Variants in VPS53 observed in about 807,000 individuals in gnomAD.
The protein encoded by VPS53 is vacuolar protein sorting-associated protein 53 homolog.
In VPS53, 70 loss-of-function variants were observed where a neutral mutation model predicts 107.0. The observed-to-expected ratio is 0.65, with a 90% CI of 0.54 to 0.80. The LOEUF (loss-of-function observed/expected upper bound fraction) is 0.80, where lower values mean the gene tolerates loss of function less well. Among genes scored for constraint, VPS53 ranks in the 30% least tolerant of loss-of-function variants. VPS53 has a pLI of 0.00. For synonymous variants in VPS53, 409 were observed against 393.3 expected (o/e 1.04, Z -0.47); for missense variants, 917 against 1,049.4 (o/e 0.87, Z 1.74).
chr17:623,912 T>C lies in VPS53; in HGVS notation c.975-238A>G, dbSNP rs145478325. Among the ~76,000 whole-genome samples, 2,546 of 151,988 alleles carry C rather than the reference T, an allele frequency of 0.017. 41 individuals are homozygous for C. The highest frequency in any genetic ancestry group is 0.024 in the Middle Eastern group (7 of 294). ...AATCAGGGGTCATGGATGATATATA[T>C]ATACTTATATTTATTTGTTTGTTTA... On this transcript the variant is annotated intron_variant, in intron 10 of 21. Coordinates refer to ENST00000437048, the MANE Select transcript of VPS53 (RefSeq NM_001128159.3).
chr17:652,477 G>T lies in VPS53; in HGVS notation c.608+814C>A, dbSNP rs948747252. ...GATGCTATGAAATTTCCAAGGCTTG[G>T]TTCTCTTGGGACGCTCATTCTTGGA... On this transcript the variant is annotated intron_variant, in intron 7 of 21. Coordinates refer to ENST00000437048, the MANE Select transcript of VPS53 (RefSeq NM_001128159.3). Among the ~76,000 whole-genome samples, 4 of 152,270 alleles carry T rather than the reference G, an allele frequency of 2.6e-5. No individual in the cohort carries two copies. The East Asian group carries it at 7.7e-4, about 29-fold the overall frequency.
chr17:655,473 C>T (rs150729598), intron 6 of VPS53, among the ~76,000 whole-genome samples: 2,397 of 150,568 alleles, frequency 0.016, 27 homozygotes, highest in Non-Finnish European at 0.026. Context: ...AATATGGGCC[C>T]GCGTCACTCT....
rs776418431 is a variant in VPS53 at position 651,353 on chromosome 17, G to A, written c.608+1938C>T. On this transcript the variant is annotated intron_variant, in intron 7 of 21. Transcript: ENST00000437048. Reference sequence around the variant, plus strand: ...AGAAGATGTGGAACCAGGTGCAGTGGCTCACGCCTGTAACCCCGATGCACT... The same window carrying A: ...AGAAGATGTGGAACCAGGTGCAGTGACTCACGCCTGTAACCCCGATGCACT... Among the ~76,000 whole-genome samples the A allele has an allele frequency of 2.5e-4, 38 of 152,226 alleles. 1 individual carries two copies. Among genetic ancestry groups the A allele is most frequent in the Non-Finnish European group, 4.1e-4 (28 of 68,050 alleles).
At chr17:646,642 C>T (rs374279264) in intron 7 of VPS53, among the ~76,000 whole-genome samples, 7 of 110,078 alleles carry the variant, frequency 6.4e-5, no homozygotes, top group African/African-American at 1.4e-4. Context: ...TCCGTGACCG[C>T]GTGGCCACTG....
chr17:536,246 A>G (rs1196603492), intron 18 of VPS53, among the ~76,000 whole-genome samples: 4 of 152,054 alleles, frequency 2.6e-5, no homozygotes, highest in African/African-American at 4.8e-5. Context: ...GTGCATCCCA[A>G]TTTCTAGTGC....
At position 519,806 on chromosome 17, in the gene VPS53, C is replaced by G; in HGVS notation, c.2328+20G>C. ...TGTGAGGGGGATGAGCAGGTGTGGA[C>G]CAAATGTCCCGGCACAAACCTTCAT... On this transcript the variant is annotated intron_variant, in intron 21 of 21. Transcript: ENST00000437048. This position sits in a 1 kb window ranked among gnomAD's most constrained non-coding sequence, Gnocchi z 5.0. 6.5e-7 allele frequency: 1 copy of G among 1,527,164 alleles called. No homozygotes were observed. The highest frequency in any genetic ancestry group is 8.9e-7 in the Non-Finnish European group (1 of 1,124,614). The allele number at this position is 1,527,164 out of a possible 1,614,324, so 94.6% of individuals were successfully genotyped here. A position where few individuals can be genotyped will look rare whatever the true frequency, so the allele number is the denominator to read the frequency against.
chr17:679,135 G>C (rs530751449), intron 4 of VPS53, among the ~76,000 whole-genome samples: 3 of 152,134 alleles, frequency 2.0e-5, no homozygotes, highest in African/African-American at 4.8e-5. Context: ...ATATATCCAA[G>C]TGCAAGTCCT....
In VPS53 at chr17:532,653, G is replaced by A. The variant is rs76028855; in HGVS notation, c.2085+189C>T. ...ACCCTGCACCCAGAACTTAGTAGGC[G>A]TTCAAACAAAATTTTTAAAAATAAA... On this transcript the variant is annotated intron_variant, in intron 19 of 21. Coordinates refer to ENST00000437048, the MANE Select transcript of VPS53 (RefSeq NM_001128159.3). 4.6e-3 allele frequency: 6,424 copies of A among 1,393,272 alleles called. 275 individuals are homozygous for A. The East Asian group carries it at 0.11, about 23-fold the overall frequency. 86.3% of individuals were successfully genotyped at this position (1,393,272 alleles called of 1,614,324 possible).
rs1391911948 is a variant in VPS53 at position 520,313 on chromosome 17, G to C, written c.2224-383C>G. 6.6e-6 allele frequency among the ~76,000 whole-genome samples: 1 copy of C among 152,090 alleles called. No homozygotes were observed. The highest frequency in any genetic ancestry group is 2.1e-4 in the South Asian group (1 of 4,822). On this transcript the variant is annotated intron_variant, in intron 20 of 21. Transcript: ENST00000437048. This position sits in a 1 kb window ranked among gnomAD's most constrained non-coding sequence, Gnocchi z 4.4. The stretch of plus-strand genomic sequence containing the variant: ...GACTTTTAAACTATCAGGACCATCC[G>C]GGAAACCCTGCGTGAGAGGGTCTCC...
At chr17:656,053 G>T in intron 5 of VPS53, 100 bp from the exon 6 acceptor site, 1 of 829,626 alleles carries the variant, frequency 1.2e-6, no homozygotes, top group East Asian at 2.7e-5. Context: ...AGATGAAGCA[G>T]GGAAAAATCT....
At chr17:654,460 C>T (rs370273000) in intron 6 of VPS53, among the ~76,000 whole-genome samples, 5 of 151,654 alleles carry the variant, frequency 3.3e-5, no homozygotes, top group Middle Eastern at 3.4e-3. Flanking sequence ...CAGGATTGGC[C>T]GGGCGCGGTG....
intron 11 of VPS53, among the ~76,000 whole-genome samples, chr17:620,602 C>T (rs917447401): frequency 3.9e-5 from 6 of 152,024 alleles, no homozygotes; most frequent in South Asian, 2.1e-4. Flanking sequence ...TGCAGGTAAA[C>T]GCACCTAATA....
At chr17:655,315 T>TAAAAAGTAGATTAAA (rs60550992) in intron 6 of VPS53, among the ~76,000 whole-genome samples, 2 of 151,628 alleles carry the variant, frequency 1.3e-5, no homozygotes, top group African/African-American at 4.8e-5. Flanking sequence ...ATCTACTTTA[T>TAAAAAGTAGATTAAA]AAAAAAAAGT....
In VPS53 at chr17:520,969, CCT is replaced by C. The variant is rs1168901675; in HGVS notation, c.2223+630_2223+631del. On this transcript the variant is annotated intron_variant, in intron 20 of 21. Transcript: ENST00000437048. The surrounding 1 kb of genome is among the most constrained non-coding windows in gnomAD (Gnocchi z 4.4). ...GCTGCCACTTCCTACTCCTGCCGTCCCTGAGTCATCTGGTTTAGGAAGTGGCC... is the reference window on the plus strand; with the variant it reads ...GCTGCCACTTCCTACTCCTGCCGTCCGAGTCATCTGGTTTAGGAAGTGGCC... 1.3e-5 allele frequency among the ~76,000 whole-genome samples: 2 copies of C among 152,160 alleles called. No individual in the cohort carries two copies. The highest frequency in any genetic ancestry group is 1.3e-4 in the Admixed American group (2 of 15,284).
At chr17:689,512 C>T (rs1972706055) in intron 4 of VPS53, among the ~76,000 whole-genome samples, 1 of 138,278 alleles carries the variant, frequency 7.2e-6, no homozygotes, top group African/African-American at 2.6e-5. Context: ...CTCACTCTGT[C>T]ACCAAGGCTG....
chr17:698,193 G>A (rs1179210222), intron 3 of VPS53, among the ~76,000 whole-genome samples: 2 of 152,172 alleles, frequency 1.3e-5, no homozygotes. Context: ...AGCACTTTGG[G>A]AGGCCAAGGC....
intron 17 of VPS53, among the ~76,000 whole-genome samples, chr17:548,117 A>G (rs1252164249): frequency 4.6e-5 from 7 of 152,330 alleles, no homozygotes; most frequent in Admixed American, 3.9e-4. Flanking sequence ...GGAAGTAAAC[A>G]TGGCTGCGAC....
chr17:690,025 C>G (rs1972725073), intron 4 of VPS53, among the ~76,000 whole-genome samples: 1 of 152,124 alleles, frequency 6.6e-6, no homozygotes, highest in African/African-American at 2.4e-5. Flanking sequence ...GGGTCTGGCA[C>G]TTTGCGCTGA....
chr17:571,996 G>A (rs1469705462), intron 13 of VPS53, among the ~76,000 whole-genome samples: 11 of 151,038 alleles, frequency 7.3e-5, no homozygotes, highest in Non-Finnish European at 1.5e-4. Flanking sequence ...GTCTCTGCCT[G>A]GCCGCCCATC....
Sources: gnomAD v4.1 joint callset for allele counts (sites outside exome capture counted in the v4.1 genomes callset) on GRCh38, gnomAD v4.1.1 for gene constraint, Gnocchi (gnomAD v3.1) non-coding constraint, MANE v1.5 for transcripts, NCBI Gene and HGNC (gene_info 2026-07-23, HGNC 2026-07-21) for gene names.